The following MITF variants were observed in gnomAD, a reference collection of about 807,000 sequenced individuals.
The protein encoded by MITF is microphthalmia-associated transcription factor.
A neutral mutation model predicts 60.5 loss-of-function variants in MITF; 17 were observed. The observed-to-expected ratio is 0.28, with a 90% CI of 0.19 to 0.42. The LOEUF is 0.42. MITF is among the 10% of genes least tolerant of loss of function. The pLI is 1.00. For missense variants in MITF, 622 were observed against 683.5 expected (o/e 0.91, Z 1.00); for synonymous variants, 260 against 248.5 (o/e 1.05, Z -0.43).
chr3:69,895,842 GTGTGTGTA>G (rs1179852235), intron 2 of MITF, among the ~76,000 whole-genome samples: 1 of 150,050 alleles, frequency 6.7e-6, no homozygotes, highest in East Asian at 1.9e-4. Flanking sequence ...GTGTGTGTGT[GTGTGTGTA>G]TGTGTGTGTT....
intron 1 of MITF, among the ~76,000 whole-genome samples, chr3:69,830,188 C>G (rs1208679612): frequency 6.6e-6 from 1 of 152,114 alleles, no homozygotes; most frequent in African/African-American, 2.4e-5. Flanking sequence ...TCATGACCCT[C>G]AAAGTCAAAG....
chr3:69,739,616 A>G lies in MITF; in HGVS notation c.19A>G (p.Ile7Val). 1 of 1,579,058 alleles carries G rather than the reference A, an allele frequency of 6.3e-7. No homozygotes were observed. The highest frequency in any genetic ancestry group is 8.6e-7 in the Non-Finnish European group (1 of 1,160,664). ...GGGAGCCATGCAGTCCGAATCGGGGATCGTGCCGGATTTCGAAGTCGGGGA... is the reference window on the plus strand; with the variant it reads ...GGGAGCCATGCAGTCCGAATCGGGGGTCGTGCCGGATTTCGAAGTCGGGGA... MQSESG[I>V]VPDFEVGEEF... The change falls in exon 1 of 10, where the codon ATC becomes GTC. Residue 7 changes from isoleucine (I) to valine (V), a missense_variant. Around this residue, in one of 5 missense-constraint regions of MITF, gnomAD observed 149 missense variants for 157.8 expected, o/e 0.94. Coordinates refer to ENST00000352241, the MANE Select transcript of MITF (RefSeq NM_001354604.2).
intron 2 of MITF, among the ~76,000 whole-genome samples, chr3:69,899,348 C>T (rs1174094676): frequency 6.6e-6 from 1 of 152,120 alleles, no homozygotes; most frequent in African/African-American, 2.4e-5. Context: ...GGCCAGGGGC[C>T]TAGGGTTTAA....
chr3:69,792,638 C>G (rs967222268), intron 1 of MITF, among the ~76,000 whole-genome samples: 1 of 152,086 alleles, frequency 6.6e-6, no homozygotes, highest in Non-Finnish European at 1.5e-5. Context: ...CTAATTTTTA[C>G]AAAAGTGGAC....
At chr3:69,838,842 C>T (rs1352730474) in intron 1 of MITF, among the ~76,000 whole-genome samples, 1 of 152,096 alleles carries the variant, frequency 6.6e-6, no homozygotes, top group African/African-American at 2.4e-5. Flanking sequence ...GTCAAATGCC[C>T]AAGTGCTGAA....
chr3:69,850,297 G>T (rs910706983), intron 1 of MITF, among the ~76,000 whole-genome samples: 3 of 152,180 alleles, frequency 2.0e-5, no homozygotes, highest in African/African-American at 4.8e-5. Context: ...GATTCCAACT[G>T]TGCCTTGGGT....
intron 1 of MITF, among the ~76,000 whole-genome samples, chr3:69,830,008 C>T (rs1211427409): frequency 6.6e-6 from 1 of 152,032 alleles, no homozygotes; most frequent in Admixed American, 6.6e-5. Context: ...CTGTGTGTTT[C>T]TTTGGTTCAG....
At chr3:69,904,042 T>C (rs575682578) in intron 2 of MITF, among the ~76,000 whole-genome samples, 2 of 152,280 alleles carry the variant, frequency 1.3e-5, no homozygotes, top group East Asian at 3.9e-4. Flanking sequence ...ATTACTATAA[T>C]TTTTACCACA....
At chr3:69,761,431 A>G (rs1439820037) in intron 1 of MITF, among the ~76,000 whole-genome samples, 2 of 152,178 alleles carry the variant, frequency 1.3e-5, no homozygotes, top group Non-Finnish European at 2.9e-5. Context: ...CGCGATTCAA[A>G]CTGAGGACTG....
At chr3:69,917,062 G>A (rs534110910) in intron 2 of MITF, among the ~76,000 whole-genome samples, 27 of 152,222 alleles carry the variant, frequency 1.8e-4, no homozygotes, top group Non-Finnish European at 3.2e-4. Context: ...TGCATGATGG[G>A]CAGCATATTA....
intron 1 of MITF, among the ~76,000 whole-genome samples, chr3:69,807,220 C>T (rs2063024582): frequency 6.6e-6 from 1 of 152,182 alleles, no homozygotes; most frequent in African/African-American, 2.4e-5. Context: ...TCCTGTGGTA[C>T]ATTATAGCTT....
chr3:69,952,011 G>A (rs1576036624), intron 7 of MITF, 125 bp downstream of exon 7: 1 of 749,614 alleles, frequency 1.3e-6, no homozygotes, highest in East Asian at 2.7e-5. Flanking sequence ...TCTTATGGAA[G>A]AAAATTGTAT....
At chr3:69,814,513 G>A (rs532069331) in intron 1 of MITF, among the ~76,000 whole-genome samples, 1 of 152,148 alleles carries the variant, frequency 6.6e-6, no homozygotes, top group South Asian at 2.1e-4. Context: ...ATGTTTTGTA[G>A]AAACGGAGTC....
chr3:69,876,824 C>A (rs1388070509), intron 1 of MITF, among the ~76,000 whole-genome samples: 1 of 152,160 alleles, frequency 6.6e-6, no homozygotes, highest in East Asian at 1.9e-4. Context: ...TTCTTCTAGC[C>A]AAATGGTGAT....
intron 1 of MITF, among the ~76,000 whole-genome samples, chr3:69,868,996 C>T (rs961929748): frequency 6.6e-6 from 1 of 151,330 alleles, no homozygotes; most frequent in African/African-American, 2.4e-5. Context: ...GAAATCTTAA[C>T]ATGTGGAGGG....
chr3:69,796,585 C>A (rs2062834431), intron 1 of MITF, among the ~76,000 whole-genome samples: 1 of 143,260 alleles, frequency 7.0e-6, no homozygotes, highest in African/African-American at 2.6e-5. Flanking sequence ...CGGCTCACTG[C>A]AAGCTCCGCT....
At chr3:69,856,931 G>A (rs957169449) in intron 1 of MITF, among the ~76,000 whole-genome samples, 2 of 151,866 alleles carry the variant, frequency 1.3e-5, no homozygotes, top group Admixed American at 1.3e-4. Context: ...CTGTTTTTTT[G>A]TGTGTGTTTT....
At chr3:69,916,864 T>A (rs760489508) in intron 2 of MITF, among the ~76,000 whole-genome samples, 2 of 152,206 alleles carry the variant, frequency 1.3e-5, no homozygotes, top group Non-Finnish European at 2.9e-5. Context: ...TTAAGTGATA[T>A]TATCATAAAA....
chr3:69,921,467 G>A (rs2065466700), intron 2 of MITF, among the ~76,000 whole-genome samples: 2 of 152,152 alleles, frequency 1.3e-5, no homozygotes, highest in Non-Finnish European at 2.9e-5. Flanking sequence ...TTAGGGCATA[G>A]TTTATCATTA....
Sources: gnomAD v4.1 joint callset for allele counts (sites outside exome capture counted in the v4.1 genomes callset) on GRCh38, gnomAD v4.1.1 for gene constraint, gnomAD v4.1.1 regional missense constraint, MANE v1.5 for transcripts, NCBI Gene and HGNC (gene_info 2026-07-23, HGNC 2026-07-21) for gene names.